The following GRIK4 variants were observed in gnomAD, a reference collection of about 807,000 sequenced individuals.
GRIK4 encodes the protein glutamate receptor ionotropic, kainate 4.
In GRIK4, 40 loss-of-function variants were observed where a neutral mutation model predicts 104.9. The observed-to-expected ratio is 0.38, with a 90% CI of 0.30 to 0.50. The LOEUF is 0.50. Among genes scored for constraint, GRIK4 ranks in the 20% least tolerant of loss-of-function variants. GRIK4 has a pLI of 0.93. For missense variants in GRIK4, 1,047 were observed against 1,308.1 expected (o/e 0.80, Z 3.08); for synonymous variants, 485 against 524.9 (o/e 0.92, Z 1.04).
At chr11:120,802,182 T>A (rs1952632188) in intron 3 of GRIK4, among the ~76,000 whole-genome samples, 1 of 152,218 alleles carries the variant, frequency 6.6e-6, no homozygotes, top group Non-Finnish European at 1.5e-5. Flanking sequence ...GGCCCATCGG[T>A]GTCAGAGCCT....
chr11:120,832,680 G>A (rs1443614089), intron 7 of GRIK4, among the ~76,000 whole-genome samples: 3 of 152,174 alleles, frequency 2.0e-5, no homozygotes, highest in African/African-American at 7.2e-5. Context: ...TGTCTCCTAA[G>A]CTCCTGGAGT....
chr11:120,804,792 A>G (rs1952682501), intron 4 of GRIK4, among the ~76,000 whole-genome samples: 2 of 152,268 alleles, frequency 1.3e-5, no homozygotes, highest in East Asian at 1.9e-4. Flanking sequence ...GATCAGCTCA[A>G]CTTGCAGTGT....
At position 120,987,442 on chromosome 11, in the gene GRIK4, AGTGTATGTGT is replaced by A. The variant is rs373948157; in HGVS notation, c.*1194_*1203del. 278 of 152,184 alleles carry A rather than the reference AGTGTATGTGT, an allele frequency of 1.8e-3. No individual in the cohort carries two copies. Among genetic ancestry groups the A allele is most frequent in the African/African-American group, 6.5e-3 (269 of 41,516 alleles). 9.4% of individuals were successfully genotyped at this position (152,184 alleles called of 1,614,324 possible). A position where few individuals can be genotyped will look rare whatever the true frequency, so the allele number is the denominator to read the frequency against. ...TACTTAGACGTGAGACCTGGGTGCA[AGTGTATGTGT>A]GTGTATGTGTGCGCGCGTGTGCGTG... is the stretch of plus-strand genomic sequence containing the variant. On this transcript the variant is annotated 3_prime_UTR_variant, in exon 21 of 21. Coordinates refer to ENST00000527524, the MANE Select transcript of GRIK4 (RefSeq NM_014619.5).
At chr11:120,742,339 C>A (rs1951347495) in intron 3 of GRIK4, among the ~76,000 whole-genome samples, 2 of 141,934 alleles carry the variant, frequency 1.4e-5, no homozygotes, top group Admixed American at 7.0e-5. Flanking sequence ...GAGCAAGACT[C>A]CGTTTCAAAA....
chr11:120,557,170 G>T (rs1948195812), intron 1 of GRIK4, among the ~76,000 whole-genome samples: 1 of 152,126 alleles, frequency 6.6e-6, no homozygotes, highest in Admixed American at 6.5e-5. Flanking sequence ...TTCTCTTGTG[G>T]CTCCATTAGT....
chr11:120,786,455 C>T (rs1410915226), intron 3 of GRIK4, among the ~76,000 whole-genome samples: 1 of 152,218 alleles, frequency 6.6e-6, no homozygotes, highest in Non-Finnish European at 1.5e-5. Flanking sequence ...TACTCCCTTT[C>T]CTGTCCAGTG....
intron 4 of GRIK4, among the ~76,000 whole-genome samples, chr11:120,810,547 G>A (rs1952808711): frequency 6.6e-6 from 1 of 152,158 alleles, no homozygotes; most frequent in African/African-American, 2.4e-5. Context: ...GGCAAGAGAA[G>A]CCTAGACCAT....
At chr11:120,776,331 G>A (rs558023800) in intron 3 of GRIK4, among the ~76,000 whole-genome samples, 2 of 152,286 alleles carry the variant, frequency 1.3e-5, no homozygotes, top group African/African-American at 2.4e-5. Context: ...GTCTGCCCTC[G>A]CTCAGAGGGA....
intron 8 of GRIK4, among the ~76,000 whole-genome samples, chr11:120,856,927 C>T (rs545324463): frequency 4.6e-5 from 7 of 152,248 alleles, no homozygotes; most frequent in East Asian, 3.9e-4. Flanking sequence ...AACATGTCCC[C>T]GGGGCCCTGC....
intron 19 of GRIK4, among the ~76,000 whole-genome samples, chr11:120,971,077 C>A (rs1261475572): frequency 6.6e-6 from 1 of 152,146 alleles, no homozygotes; most frequent in Non-Finnish European, 1.5e-5. Flanking sequence ...AAGTTTATGG[C>A]AACGAATTTT....
chr11:120,647,183 C>T (rs945641867), intron 1 of GRIK4, among the ~76,000 whole-genome samples: 2 of 152,198 alleles, frequency 1.3e-5, no homozygotes, highest in Non-Finnish European at 2.9e-5. Context: ...AACCACCATA[C>T]GCTCCTACCC....
intron 3 of GRIK4, among the ~76,000 whole-genome samples, chr11:120,765,755 T>G (rs1951827254): frequency 6.6e-6 from 1 of 152,222 alleles, no homozygotes. Context: ...TTCAAGACCC[T>G]GTTTGCCTGG....
intron 3 of GRIK4, among the ~76,000 whole-genome samples, chr11:120,769,877 C>T (rs138053428): frequency 6.6e-6 from 1 of 152,286 alleles, no homozygotes; most frequent in African/African-American, 2.4e-5. Flanking sequence ...CCATGGTGGA[C>T]AAAGCCTGCA....
At chr11:120,776,266 A>G (rs17124305) in intron 3 of GRIK4, among the ~76,000 whole-genome samples, 18,642 of 152,194 alleles carry the variant, frequency 0.12, 2,583 homozygotes, top group African/African-American at 0.34. Context: ...GACCGCGTGG[A>G]CCAGAGTGCC....
chr11:120,632,607 C>T (rs1949345649), intron 1 of GRIK4, among the ~76,000 whole-genome samples: 1 of 152,164 alleles, frequency 6.6e-6, no homozygotes, highest in Non-Finnish European at 1.5e-5. Flanking sequence ...TCTTCCTGCT[C>T]TTGCAGCTCC....
chr11:120,958,192 G>A (rs1311970155), intron 16 of GRIK4, among the ~76,000 whole-genome samples: 2 of 152,256 alleles, frequency 1.3e-5, no homozygotes, highest in Non-Finnish European at 2.9e-5. Context: ...GATGCAGCTA[G>A]AACCCCATTG....
rs767712459 is a variant in GRIK4 at position 120,986,017 on chromosome 11, C to G, written c.2628C>G (p.Pro876=). ...AAVPPPRPPI[P]EERRPRGTAT... ...TCCCGCCGCCCCGGCCCCCCATCCC[C>G]GAGGAGCGCCGACCGCGGGGCACGG... is the stretch of plus-strand genomic sequence containing the variant. The change falls in exon 21 of 21, where the codon CCC becomes CCG. Residue 876 remains proline, a synonymous_variant. Transcript: ENST00000527524. 2.0e-6 allele frequency: 3 copies of G among 1,526,532 alleles called. No individual in the cohort carries two copies. Among genetic ancestry groups the G allele is most frequent in the Non-Finnish European group, 2.6e-6 (3 of 1,138,120 alleles). The allele number at this position is 1,526,532 out of a possible 1,614,324, so 94.6% of individuals were successfully genotyped here. A position where few individuals can be genotyped will look rare whatever the true frequency, so the allele number is the denominator to read the frequency against.
chr11:120,948,237 T>C lies in GRIK4; in HGVS notation c.1591-4618T>C, dbSNP rs576624898. Among the ~76,000 whole-genome samples, 401 of 152,334 alleles carry C rather than the reference T, an allele frequency of 2.6e-3. 5 individuals carry two copies. Among genetic ancestry groups the C allele is most frequent in the African/African-American group, 9.3e-3 (387 of 41,580 alleles). On this transcript the variant is annotated intron_variant, in intron 14 of 20. Coordinates refer to ENST00000527524, the MANE Select transcript of GRIK4 (RefSeq NM_014619.5). The stretch of plus-strand genomic sequence containing the variant: ...CCATTGGGCACTGCTGGGAGTTGAC[T>C]ATATCACAAGCAACCTTTCTATAAA...
chr11:120,962,095 T>C (rs967764116), intron 17 of GRIK4, among the ~76,000 whole-genome samples: 2 of 152,006 alleles, frequency 1.3e-5, no homozygotes, highest in African/African-American at 4.8e-5. Context: ...CTGCCCCAAA[T>C]TGAGGGACAA....
Sources: allele counts gnomAD v4.1 joint callset (sites outside exome capture counted in the v4.1 genomes callset), GRCh38; gene constraint gnomAD v4.1.1; transcripts MANE v1.5; gene names NCBI Gene and HGNC (gene_info 2026-07-23, HGNC 2026-07-21).